The following GRID2 variants were observed in gnomAD, a reference collection of about 807,000 sequenced individuals.
GRID2 encodes glutamate receptor ionotropic, delta-2.
GRID2 carries 33 observed loss-of-function variants against 114.8 expected under a neutral mutation model. That is an observed-to-expected ratio of 0.29 (90% CI 0.22 to 0.38). The LOEUF (loss-of-function observed/expected upper bound fraction) is 0.38, where lower values mean the gene tolerates loss of function less well. Among genes scored for constraint, GRID2 ranks in the 10% least tolerant of loss-of-function variants. The pLI is 1.00. For synonymous variants in GRID2, 505 were observed against 449.9 expected (o/e 1.12, Z -1.55); for missense variants, 1,184 against 1,257.7 (o/e 0.94, Z 0.89).
chr4:93,511,158 A>G (rs1374309111), intron 12 of GRID2, among the ~76,000 whole-genome samples: 1 of 152,084 alleles, frequency 6.6e-6, no homozygotes, highest in East Asian at 1.9e-4. Context: ...GCTGGTCTCA[A>G]TATCCTGACC....
intron 7 of GRID2, among the ~76,000 whole-genome samples, chr4:93,227,005 T>C (rs1055521395): frequency 6.6e-6 from 1 of 151,862 alleles, no homozygotes; most frequent in East Asian, 1.9e-4. Flanking sequence ...GGGAGAAGAG[T>C]TGCTAGGTGG....
rs143894026 is a variant in GRID2 at position 92,307,744 on chromosome 4, G to A, written c.88+3000G>A. On this transcript the variant is annotated intron_variant, in intron 1 of 15. Transcript: ENST00000282020. ...ATATTTAAAAATATTTAATCATTAC[G>A]TATATTTTTAATACACATCCACACA... Among the ~76,000 whole-genome samples, 470 of 152,142 alleles carry A rather than the reference G, an allele frequency of 3.1e-3. 2 individuals are homozygous for A. Among genetic ancestry groups the A allele is most frequent in the African/African-American group, 0.01 (422 of 41,508 alleles).
intron 2 of GRID2, among the ~76,000 whole-genome samples, chr4:93,023,903 T>C (rs1409862695): frequency 6.6e-6 from 1 of 151,872 alleles, no homozygotes; most frequent in African/African-American, 2.4e-5. Context: ...CACAGAACTT[T>C]ATATAGTTCA....
intron 8 of GRID2, among the ~76,000 whole-genome samples, chr4:93,243,193 C>T (rs1747748930): frequency 6.6e-6 from 1 of 151,916 alleles, no homozygotes; most frequent in African/African-American, 2.4e-5. Context: ...TACTAAGCTG[C>T]AATTTAATTA....
In GRID2 at chr4:93,720,737, A is replaced by C. The variant is rs139329212; in HGVS notation, c.2361-48473A>C. On this transcript the variant is annotated intron_variant, in intron 14 of 15. Transcript: ENST00000282020. ...ATCAAGTCAAAAGGGCAAAAGGAGGAAAGTTTAATCACTACATAGTAATCT... is the reference window on the plus strand; with the variant it reads ...ATCAAGTCAAAAGGGCAAAAGGAGGCAAGTTTAATCACTACATAGTAATCT... 4.6e-5 allele frequency among the ~76,000 whole-genome samples: 7 copies of C among 152,350 alleles called. No homozygotes were observed. The East Asian group carries it at 1.3e-3, about 29-fold the overall frequency.
intron 2 of GRID2, among the ~76,000 whole-genome samples, chr4:92,939,524 A>C (rs866307196): frequency 1.9e-4 from 28 of 146,776 alleles, no homozygotes; most frequent in African/African-American, 6.8e-4. Context: ...TTCCCTGTTC[A>C]CTCTGATAGT....
intron 4 of GRID2, among the ~76,000 whole-genome samples, chr4:93,155,366 T>C (rs1011805796): frequency 6.6e-6 from 1 of 151,958 alleles, no homozygotes; most frequent in Non-Finnish European, 1.5e-5. Context: ...ACATCTTTTT[T>C]CTGCCTTGCA....
intron 2 of GRID2, among the ~76,000 whole-genome samples, chr4:92,914,981 T>C (rs1243253428): frequency 2.6e-5 from 4 of 152,122 alleles, no homozygotes; most frequent in Admixed American, 2.0e-4. Context: ...CTGGGTAATA[T>C]AAAGGAAACA....
chr4:92,814,983 A>G (rs1740822649), intron 2 of GRID2, among the ~76,000 whole-genome samples: 1 of 152,120 alleles, frequency 6.6e-6, no homozygotes, highest in Admixed American at 6.6e-5. Flanking sequence ...TATCAAACCC[A>G]TCTCCATTAT....
At chr4:93,098,209 A>G (rs1432938382) in intron 3 of GRID2, among the ~76,000 whole-genome samples, 1 of 151,892 alleles carries the variant, frequency 6.6e-6, no homozygotes, top group Non-Finnish European at 1.5e-5. Flanking sequence ...TTTCAATTTT[A>G]TGTTTTACCT....
chr4:92,455,567 G>A (rs1721171493), intron 1 of GRID2, among the ~76,000 whole-genome samples: 4 of 152,274 alleles, frequency 2.6e-5, no homozygotes, highest in Admixed American at 2.6e-4. Flanking sequence ...AACCGCACAG[G>A]AAGAGCGTTC....
At chr4:93,244,502 GATTATATAATCTATTAATTAATAGA>G (rs1747929713) in intron 8 of GRID2, among the ~76,000 whole-genome samples, 1 of 50,052 alleles carries the variant, frequency 2.0e-5, no homozygotes, top group South Asian at 5.2e-4. Context: ...TTAATTAATA[GATTATATAATCTATTAATTAATAGA>G]TTATATAATC....
chr4:92,868,102 C>T (rs570946764), intron 2 of GRID2, among the ~76,000 whole-genome samples: 28 of 147,674 alleles, frequency 1.9e-4, no homozygotes, highest in Non-Finnish European at 3.3e-4. Context: ...CTTTCTTTCT[C>T]TTTCTTTCTT....
chr4:92,728,443 G>C lies in GRID2; in HGVS notation c.244+138157G>C, dbSNP rs182755099. The stretch of plus-strand genomic sequence containing the variant: ...AAATTGGAGATCTACTTGTAAGCTC[G>C]CTCAAGTGATTGTTGACAATCCTCA... On this transcript the variant is annotated intron_variant, in intron 2 of 15. Transcript: ENST00000282020. Among the ~76,000 whole-genome samples the C allele has an allele frequency of 8.9e-4, 136 of 152,104 alleles. No individual in the cohort carries two copies. In the East Asian group the frequency reaches 9.3e-3, roughly 10 times the overall value.
chr4:93,329,856 C>T (rs911921894), intron 8 of GRID2, among the ~76,000 whole-genome samples: 13 of 151,434 alleles, frequency 8.6e-5, no homozygotes, highest in Admixed American at 3.3e-4. Flanking sequence ...TCTTTACAAA[C>T]GTAGGATTCT....
intron 2 of GRID2, among the ~76,000 whole-genome samples, chr4:92,833,356 T>TC (rs1218511846): frequency 6.6e-6 from 1 of 152,210 alleles, no homozygotes; most frequent in African/African-American, 2.4e-5. Context: ...CACATGTACT[T>TC]CATCCATAAA....
intron 5 of GRID2, among the ~76,000 whole-genome samples, 156 bp downstream of exon 5, chr4:93,207,613 A>T (rs368310311): frequency 3.3e-5 from 5 of 152,074 alleles, no homozygotes; most frequent in African/African-American, 1.2e-4. Flanking sequence ...TAGAATGAAG[A>T]GTTTTTAAAA....
intron 8 of GRID2, among the ~76,000 whole-genome samples, chr4:93,376,858 A>G (rs547223659): frequency 6.6e-6 from 1 of 152,306 alleles, no homozygotes. Context: ...AGGAAAAATA[A>G]CTAATGCATA....
chr4:93,577,492 T>C (rs1344682402), intron 13 of GRID2, among the ~76,000 whole-genome samples: 2 of 152,214 alleles, frequency 1.3e-5, no homozygotes, highest in African/African-American at 4.8e-5. Context: ...GAAAGAGTAT[T>C]GAAAATACAT....
Sources: gnomAD v4.1 joint callset for allele counts (sites outside exome capture counted in the v4.1 genomes callset) on GRCh38, gnomAD v4.1.1 for gene constraint, MANE v1.5 for transcripts, NCBI Gene and HGNC (gene_info 2026-07-23, HGNC 2026-07-21) for gene names.